PDLIM3: variants seen among roughly 807,000 people sequenced by gnomAD.
The protein encoded by PDLIM3 is PDZ and LIM domain protein 3.
In PDLIM3, 36 loss-of-function variants were observed where a neutral mutation model predicts 37.3. That is an observed-to-expected ratio of 0.97 (90% confidence interval 0.74 to 1.28). PDLIM3 has a LOEUF of 1.28. PDLIM3 is among the 50% of genes most tolerant of loss of function. PDLIM3 has a pLI of 0.00. For missense variants in PDLIM3, 454 were observed against 485.0 expected, an observed-to-expected ratio of 0.94 and a Z score of 0.60; for synonymous variants, 174 against 182.4, an observed-to-expected ratio of 0.95 and a Z score of 0.37.
intron 1 of PDLIM3, among the ~76,000 whole-genome samples, chr4:185,528,687 C>A (rs2095738552): frequency 6.6e-6 from 1 of 152,208 alleles, no homozygotes; most frequent in Non-Finnish European, 1.5e-5. Context: ...TGGCCAGATC[C>A]CACTTCTCAT....
At chr4:185,529,020 G>T (rs925151504) in intron 1 of PDLIM3, among the ~76,000 whole-genome samples, 1 of 152,152 alleles carries the variant, frequency 6.6e-6, no homozygotes, top group Non-Finnish European at 1.5e-5. Flanking sequence ...CTGAAATGAG[G>T]CATAGTGTTT....
Position 185,514,865 on chromosome 4 carries a change from T to G in PDLIM3, c.331-528A>C. 1 of 1,551,540 alleles carries G rather than the reference T, an allele frequency of 6.4e-7. No homozygotes were observed. The highest frequency in any genetic ancestry group is 8.7e-7 in the Non-Finnish European group (1 of 1,146,968). On this transcript the variant is annotated intron_variant, in intron 3 of 7. Transcript: ENST00000284767. This position sits in a 1 kb window ranked among gnomAD's most constrained non-coding sequence, Gnocchi z 4.0. ...AACAAAAGGCTGGGCCCTTCTGTTG[T>G]GCGCGGTACCAATGGGTTTGAATTC...
chr4:185,535,238 T>C, intron 1 of PDLIM3, 104 bp downstream of exon 1: 1 of 1,053,096 alleles, frequency 9.5e-7, no homozygotes, highest in Non-Finnish European at 1.4e-6. Flanking sequence ...CCGCCCGCCC[T>C]CGCGCGCTTT....
intron 5 of PDLIM3, among the ~76,000 whole-genome samples, chr4:185,507,639 TAATA>T (rs2095699831): frequency 6.6e-6 from 1 of 152,180 alleles, no homozygotes; most frequent in Admixed American, 6.5e-5. Flanking sequence ...TTTTATCCTA[TAATA>T]AATCTTTTTA....
At chr4:185,529,092 A>G (rs1490126961) in intron 1 of PDLIM3, among the ~76,000 whole-genome samples, 4 of 152,134 alleles carry the variant, frequency 2.6e-5, no homozygotes, top group Non-Finnish European at 5.9e-5. Context: ...TACCAGAGAG[A>G]TCATTGAACA....
chr4:185,525,031 G>A lies in PDLIM3; in HGVS notation c.234C>T (p.Leu78=), dbSNP rs779261674. ...TAGTTAAGAAGCACCTGTCAATTTTGAGACACAGCTGGTGAGCTGCTGCTT... is the reference window on the plus strand; with the variant it reads ...TAGTTAAGAAGCACCTGTCAATTTTAAGACACAGCTGGTGAGCTGCTGCTT... ...RIKAAAHQLC[L]KIDRGETHLW... The change falls in exon 2 of 8, where the codon CTC becomes CTT. Residue 78 remains leucine (L), a synonymous_variant. Coordinates refer to ENST00000284767, the MANE Select transcript of PDLIM3 (RefSeq NM_014476.6). 6.2e-7 allele frequency: 1 copy of A among 1,614,100 alleles called. No homozygotes were observed. Among genetic ancestry groups the A allele is most frequent in the Non-Finnish European group, 8.5e-7 (1 of 1,179,998 alleles).
At chr4:185,524,403 A>T (rs528422213) in intron 2 of PDLIM3, among the ~76,000 whole-genome samples, 3 of 152,300 alleles carry the variant, frequency 2.0e-5, no homozygotes, top group African/African-American at 7.2e-5. Context: ...ACAAATTATT[A>T]TTATCATGGT....
At chr4:185,519,264 TTGA>T (rs767811902) in intron 3 of PDLIM3, among the ~76,000 whole-genome samples, 1 of 152,146 alleles carries the variant, frequency 6.6e-6, no homozygotes, top group Non-Finnish European at 1.5e-5. Flanking sequence ...ACTTAGCTAT[TTGA>T]TGATAGCATG....
chr4:185,507,440 C>T (rs1257578526), intron 5 of PDLIM3, among the ~76,000 whole-genome samples: 1 of 152,080 alleles, frequency 6.6e-6, no homozygotes, highest in Non-Finnish European at 1.5e-5. Context: ...ATCTAGAAAA[C>T]ATACTATCTG....
intron 7 of PDLIM3, among the ~76,000 whole-genome samples, chr4:185,503,368 C>T (rs551020201): frequency 7.2e-5 from 11 of 152,326 alleles, no homozygotes; most frequent in South Asian, 4.1e-4. Context: ...CTTCTGGTAA[C>T]GTCAGGCACT....
Position 185,500,854 on chromosome 4 carries a change from A to G in PDLIM3, c.*1440T>C, listed in dbSNP as rs2095686191. The G allele has an allele frequency of 6.6e-6, 1 of 152,272 alleles. No individual in the cohort carries two copies. Among genetic ancestry groups the G allele is most frequent in the African/African-American group, 2.4e-5 (1 of 41,432 alleles). The allele number at this position is 152,272 out of a possible 1,614,324, so 9.4% of individuals were successfully genotyped here. A position where few individuals can be genotyped will look rare whatever the true frequency, so the allele number is the denominator to read the frequency against. On this transcript the variant is annotated 3_prime_UTR_variant, in exon 8 of 8. Transcript: ENST00000284767. The stretch of plus-strand genomic sequence containing the variant: ...CCCAGAGCAATAAAACTTGTGTCCC[A>G]TTTGGGACCTTATGGGAGGAGAACA...
chr4:185,532,533 A>AGG (rs1479580657), intron 1 of PDLIM3, among the ~76,000 whole-genome samples: 1 of 152,198 alleles, frequency 6.6e-6, no homozygotes, highest in East Asian at 1.9e-4. Flanking sequence ...AAATGGTATC[A>AGG]GGAGCAAAGA....
chr4:185,511,148 C>G (rs2095705890), intron 4 of PDLIM3, among the ~76,000 whole-genome samples: 1 of 152,160 alleles, frequency 6.6e-6, no homozygotes. Flanking sequence ...GCAACTTGTC[C>G]AAAAACCACT....
Position 185,506,609 on chromosome 4 carries a change from T to G in PDLIM3, c.706A>C (p.Met236Leu), listed in dbSNP as rs773433295. The G allele has an allele frequency of 1.9e-6, 3 of 1,610,680 alleles. No homozygotes were observed. Among genetic ancestry groups the G allele is most frequent in the African/African-American group, 2.7e-5 (2 of 74,888 alleles). Residue 236 changes from methionine to leucine, a missense_variant, in exon 6 of 8, where the codon ATG becomes CTG. Met to Leu is a conservative substitution (Grantham distance 15). Coordinates refer to ENST00000284767, the MANE Select transcript of PDLIM3 (RefSeq NM_014476.6). ...SVPPESDVYR[M>L]LHDNRNEPTQ... ...GGCTCATTCCGATTGTCGTGGAGCA[T>G]CCGGTACACGTCCGACTCGGGGGGC...
At chr4:185,524,597 C>T (rs906314187) in intron 2 of PDLIM3, among the ~76,000 whole-genome samples, 6 of 152,132 alleles carry the variant, frequency 3.9e-5, no homozygotes, top group Non-Finnish European at 8.8e-5. Context: ...ATATTAGCAA[C>T]CAGTTTTAAT....
At position 185,501,627 on chromosome 4, in the gene PDLIM3, A is replaced by G. The variant is rs2095687173; in HGVS notation, c.*667T>C. ...TGCTCATAAGAAAGAGTAATGAGTT[A>G]TAAAACCTGAAGAAGCCACATTTAT... On this transcript the variant is annotated 3_prime_UTR_variant, in exon 8 of 8. Transcript: ENST00000284767. The G allele has an allele frequency of 6.5e-6, 1 of 152,810 alleles. No homozygotes were observed. Among genetic ancestry groups the G allele is most frequent in the South Asian group, 2.1e-4 (1 of 4,856 alleles). 9.5% of individuals were successfully genotyped at this position (152,810 alleles called of 1,614,324 possible).
At chr4:185,527,160 C>T (rs2095735744) in intron 1 of PDLIM3, among the ~76,000 whole-genome samples, 1 of 152,022 alleles carries the variant, frequency 6.6e-6, no homozygotes, top group South Asian at 2.1e-4. Context: ...CCCTATATAC[C>T]CAAAGATTAT....
chr4:185,510,898 T>G (rs2095705414), intron 4 of PDLIM3, among the ~76,000 whole-genome samples: 1 of 152,356 alleles, frequency 6.6e-6, no homozygotes, highest in East Asian at 1.9e-4. Context: ...GTAAACGAGT[T>G]TTCATGGATT....
At chr4:185,502,530 A>T in intron 7 of PDLIM3, 47 bp from the exon 8 acceptor site, 1 of 1,550,470 alleles carries the variant, frequency 6.4e-7, no homozygotes. Flanking sequence ...ACAGAGCAAA[A>T]ATATGAGACA....
Sources: allele counts gnomAD v4.1 joint callset (sites outside exome capture counted in the v4.1 genomes callset), GRCh38; gene constraint gnomAD v4.1.1; non-coding constraint Gnocchi (gnomAD v3.1); transcripts MANE v1.5; gene names NCBI Gene and HGNC (gene_info 2026-07-23, HGNC 2026-07-21).